NTM: variants seen among roughly 807,000 people sequenced by gnomAD.
NTM encodes neurotrimin.
Under a neutral mutation model 42.1 loss-of-function variants are expected in NTM, and 13 were observed. The observed-to-expected ratio is 0.31, with a 90% CI of 0.20 to 0.49. The LOEUF (loss-of-function observed/expected upper bound fraction) is 0.49, where lower values mean the gene tolerates loss of function less well. Ranked by LOEUF, NTM falls within the 20% of genes least tolerant of loss-of-function variation. NTM has a pLI of 0.99. For missense variants in NTM, 373 were observed against 452.8 expected (o/e 0.82, Z 1.60); for synonymous variants, 187 against 179.2 (o/e 1.04, Z -0.35).
chr11:131,606,989 C>T (rs1379855264), intron 1 of NTM, among the ~76,000 whole-genome samples: 1 of 152,224 alleles, frequency 6.6e-6, no homozygotes, highest in African/African-American at 2.4e-5. Flanking sequence ...CCTGAGCCCC[C>T]ATCGTGATCA....
At chr11:131,691,160 G>GGGCCCAGGCCACCCCC (rs1343217123) in intron 1 of NTM, among the ~76,000 whole-genome samples, 2 of 152,140 alleles carry the variant, frequency 1.3e-5, no homozygotes, top group African/African-American at 4.8e-5. Flanking sequence ...GGCGCACCAG[G>GGGCCCAGGCCACCCCC]GGCCCAGGCC....
chr11:131,516,471 G>A (rs529944184), intron 1 of NTM, among the ~76,000 whole-genome samples: 48 of 152,182 alleles, frequency 3.2e-4, no homozygotes, highest in African/African-American at 9.6e-4. Context: ...TCCGCCTCCC[G>A]GGTTCAAGAG....
chr11:131,960,211 C>T (rs919926033), intron 2 of NTM, among the ~76,000 whole-genome samples: 2 of 152,150 alleles, frequency 1.3e-5, no homozygotes, highest in African/African-American at 2.4e-5. Flanking sequence ...TTCATGGTGC[C>T]CCTGGATGGA....
At chr11:131,816,823 G>T (rs1462790025) in intron 1 of NTM, among the ~76,000 whole-genome samples, 1 of 145,768 alleles carries the variant, frequency 6.9e-6, no homozygotes, top group Non-Finnish European at 1.5e-5. Flanking sequence ...GAGGTTTTAG[G>T]TCAAGGGTCC....
At chr11:131,985,932 T>C (rs1009209726) in intron 2 of NTM, among the ~76,000 whole-genome samples, 6 of 152,214 alleles carry the variant, frequency 3.9e-5, no homozygotes, top group African/African-American at 1.4e-4. Flanking sequence ...GTGTTTGCTC[T>C]GTTCACCTCC....
intron 1 of NTM, among the ~76,000 whole-genome samples, chr11:131,777,274 A>G (rs145038193): frequency 6.6e-6 from 1 of 152,176 alleles, no homozygotes; most frequent in African/African-American, 2.4e-5. Context: ...AAGCACATAC[A>G]TTCACACGCA....
Position 132,258,941 on chromosome 11 carries a change from G to A in NTM, c.526+46794G>A, listed in dbSNP as rs79147427. 4.9e-3 allele frequency among the ~76,000 whole-genome samples: 742 copies of A among 152,274 alleles called. 9 individuals carry two copies. Among genetic ancestry groups the A allele is most frequent in the African/African-American group, 0.017 (716 of 41,554 alleles). ...AATTCAGCAAACACCCAATAGTTCT[G>A]TTTGGAAGCATCTTCTGTGTTTAAT... On this transcript the variant is annotated intron_variant, in intron 4 of 8. Transcript: ENST00000683400.
At chr11:131,973,392 C>A (rs1419565248) in intron 2 of NTM, among the ~76,000 whole-genome samples, 1 of 152,246 alleles carries the variant, frequency 6.6e-6, no homozygotes, top group Non-Finnish European at 1.5e-5. Context: ...CAGCCCCTCA[C>A]CATCCAAGGC....
intron 1 of NTM, among the ~76,000 whole-genome samples, chr11:131,554,209 CT>C (rs2055084547): frequency 1.3e-5 from 2 of 152,208 alleles, no homozygotes; most frequent in African/African-American, 4.8e-5. Flanking sequence ...TCCTTCATGG[CT>C]TTGTCATAGT....
chr11:131,503,698 C>CTT (rs35447251), intron 1 of NTM, among the ~76,000 whole-genome samples: 7,972 of 151,252 alleles, frequency 0.053, 696 homozygotes, highest in African/African-American at 0.18. Context: ...AATTGTTTCT[C>CTT]TTTTTTTTGT....
At chr11:131,656,631 G>A (rs567915478) in intron 1 of NTM, among the ~76,000 whole-genome samples, 39 of 152,262 alleles carry the variant, frequency 2.6e-4, no homozygotes, top group African/African-American at 9.1e-4. Context: ...TGGGTTTTCC[G>A]GTTCTGGTTT....
intron 1 of NTM, among the ~76,000 whole-genome samples, chr11:131,775,259 C>A (rs2086779694): frequency 6.6e-6 from 1 of 152,104 alleles, no homozygotes; most frequent in Non-Finnish European, 1.5e-5. Flanking sequence ...GTGCTTGGTG[C>A]CTTTATTTAG....
intron 1 of NTM, among the ~76,000 whole-genome samples, chr11:131,615,347 C>T (rs1489701577): frequency 6.6e-6 from 1 of 151,974 alleles, no homozygotes; most frequent in Admixed American, 6.6e-5. Flanking sequence ...TGGCTCATAG[C>T]AAGTTCTCTC....
At position 131,789,469 on chromosome 11, in the gene NTM, G is replaced by GA. The variant is rs1364403606; in HGVS notation, c.83-122093dup. ...AGAAGAAGAAGAAGAAGAAGAAGAA[G>GA]AAGAAGAAGAAGAAGAAGAAGAGGA... is the stretch of plus-strand genomic sequence containing the variant. On this transcript the variant is annotated intron_variant, in intron 1 of 8. Coordinates refer to ENST00000683400, the MANE Select transcript of NTM (RefSeq NM_001352005.2). Among the ~76,000 whole-genome samples, 15 of 13,074 alleles carry GA rather than the reference G, an allele frequency of 1.1e-3. 1 individual carries two copies. Among genetic ancestry groups the GA allele is most frequent in the South Asian group, 3.5e-3 (1 of 282 alleles). 8.6% of individuals were successfully genotyped at this position (13,074 alleles called of 152,430 possible). A position where few individuals can be genotyped will look rare whatever the true frequency, so the allele number is the denominator to read the frequency against.
intron 1 of NTM, among the ~76,000 whole-genome samples, chr11:131,836,748 T>A (rs1366883661): frequency 6.6e-6 from 1 of 152,230 alleles, no homozygotes; most frequent in African/African-American, 2.4e-5. Flanking sequence ...AATTACTGGT[T>A]TACTAATTAC....
At position 132,329,377 on chromosome 11, in the gene NTM, G is replaced by A. The variant is rs537182252; in HGVS notation, c.935-776G>A. 2.0e-5 allele frequency among the ~76,000 whole-genome samples: 3 copies of A among 152,360 alleles called. No homozygotes were observed. In the South Asian group the frequency reaches 6.2e-4, roughly 32 times the overall value. ...AGAGACTCCATAGGTTGTTCTGAGA[G>A]TTGAAGCTGGTGAAATGGAGACCTT... On this transcript the variant is annotated intron_variant, in intron 7 of 8. Transcript: ENST00000683400.
rs113050185 is a variant in NTM at position 132,333,042 on chromosome 11, A to G, written c.968-2004A>G. On this transcript the variant is annotated intron_variant, in intron 8 of 8. Coordinates refer to ENST00000683400, the MANE Select transcript of NTM (RefSeq NM_001352005.2). ...TTCAGGAGAGCACAAGGGATGAAAGAGGCAGAGCAGTGTGCTGACAGCTGT... is the reference window on the plus strand; with the variant it reads ...TTCAGGAGAGCACAAGGGATGAAAGGGGCAGAGCAGTGTGCTGACAGCTGT... Among the ~76,000 whole-genome samples, 5 of 152,310 alleles carry G rather than the reference A, an allele frequency of 3.3e-5. 2 individuals carry two copies. The highest frequency in any genetic ancestry group is 1.2e-4 in the African/African-American group (5 of 41,574).
At chr11:131,488,165 A>C (rs755379699) in intron 1 of NTM, among the ~76,000 whole-genome samples, 2 of 152,190 alleles carry the variant, frequency 1.3e-5, no homozygotes, top group Non-Finnish European at 1.5e-5. Flanking sequence ...ATTGCTTCAA[A>C]ATACTCCACC....
chr11:131,993,911 G>T (rs142524023), intron 2 of NTM, among the ~76,000 whole-genome samples: 1 of 151,220 alleles, frequency 6.6e-6, no homozygotes, highest in South Asian at 2.1e-4. Flanking sequence ...GCTGAGGCAG[G>T]AGAATTGCTT....
Sources: gnomAD v4.1 joint callset for allele counts (sites outside exome capture counted in the v4.1 genomes callset) on GRCh38, gnomAD v4.1.1 for gene constraint, MANE v1.5 for transcripts, NCBI Gene and HGNC (gene_info 2026-07-23, HGNC 2026-07-21) for gene names.